The following RANBP2 variants were observed in gnomAD, a reference collection of about 807,000 sequenced individuals.
RANBP2 encodes the protein E3 SUMO-protein ligase RanBP2.
In RANBP2, 57 loss-of-function variants were observed where a neutral mutation model predicts 303.6. The ratio of observed to expected loss-of-function variants is 0.19; its 90% CI spans 0.15 to 0.23. RANBP2 has a LOEUF of 0.23. Ranked by LOEUF, RANBP2 falls within the 10% of genes least tolerant of loss-of-function variation. The probability of loss-of-function intolerance (pLI) is 1.00; values close to 1 mark genes in which losing one functional copy is unlikely to be tolerated. For missense variants in RANBP2, 3,138 were observed against 3,780.8 expected (o/e 0.83, Z 4.46); for synonymous variants, 1,167 against 1,301.5 (o/e 0.90, Z 2.23).
In RANBP2 at chr2:108,767,026, G is replaced by C; in HGVS notation, c.6487G>C (p.Ala2163Pro). 1.2e-6 allele frequency: 2 copies of C among 1,610,642 alleles called. No homozygotes were observed. The highest frequency in any genetic ancestry group is 2.2e-5 in the South Asian group (2 of 90,984). The part of the protein sequence containing the change: ...TPHKLVDTGR[A>P]AKLIQRAEEM... The stretch of plus-strand genomic sequence containing the variant: ...CCATAAACTTGTAGATACTGGCAGA[G>C]CTGCCAAGTTAATACAGAGAGCTGA... The change falls in exon 20 of 29, where the codon GCT becomes CCT. Residue 2163 changes from alanine to proline, a missense_variant. Around this residue, in one of 20 missense-constraint regions of RANBP2, gnomAD observed 103 missense variants for 214.3 expected, o/e 0.48. Transcript: ENST00000283195.
chr2:109,720,625 T>G, the RANBP2 span, among the ~76,000 whole-genome samples: 1 of 152,168 alleles, frequency 6.6e-6, no homozygotes. Context: ...GTGTGCCAAA[T>G]GTAAATTCTC....
chr2:109,206,882 C>T, the RANBP2 span, among the ~76,000 whole-genome samples: 1 of 152,198 alleles, frequency 6.6e-6, no homozygotes, highest in African/African-American at 2.4e-5. Context: ...TTCTCAGTGC[C>T]CCTTCTGCCC....
chr2:109,438,128 C>G, the RANBP2 span, among the ~76,000 whole-genome samples: 14 of 152,362 alleles, frequency 9.2e-5, no homozygotes, highest in East Asian at 2.7e-3. Context: ...AGCAGCTTCT[C>G]AAGTGTGGAA....
At chr2:109,682,590 G>C in the RANBP2 span, among the ~76,000 whole-genome samples, 1 of 152,118 alleles carries the variant, frequency 6.6e-6, no homozygotes, top group Admixed American at 6.5e-5. Flanking sequence ...GGTCAGACCT[G>C]CCAAGGAGAA....
chr2:109,534,694 C>T, the RANBP2 span, among the ~76,000 whole-genome samples: 1,306 of 151,446 alleles, frequency 8.6e-3, 19 homozygotes, highest in African/African-American at 0.03. Flanking sequence ...GTGGGAGAAT[C>T]GCTTGAACCT....
the RANBP2 span, among the ~76,000 whole-genome samples, chr2:108,937,668 GTGAGTA>G: frequency 6.6e-6 from 1 of 151,726 alleles, no homozygotes; most frequent in Non-Finnish European, 1.5e-5. Context: ...GTTTATATGT[GTGAGTA>G]TAAGTGTATG....
chr2:109,238,401 A>T, the RANBP2 span, among the ~76,000 whole-genome samples: 1 of 150,226 alleles, frequency 6.7e-6, no homozygotes, highest in Non-Finnish European at 1.5e-5. Context: ...GCTTTAAAAA[A>T]TTTTCTCTTT....
At chr2:109,298,285 G>A in the RANBP2 span, among the ~76,000 whole-genome samples, 5 of 148,212 alleles carry the variant, frequency 3.4e-5, no homozygotes, top group African/African-American at 9.8e-5. Flanking sequence ...AGAGAACTCC[G>A]TGGCTGGCTA....
At chr2:108,829,328 A>G in the RANBP2 span, among the ~76,000 whole-genome samples, 16 of 152,214 alleles carry the variant, frequency 1.1e-4, no homozygotes, top group African/African-American at 3.9e-4. Flanking sequence ...CAAGCAAAGA[A>G]CCTAAATAGC....
the RANBP2 span, among the ~76,000 whole-genome samples, chr2:109,342,765 G>T: frequency 6.6e-6 from 1 of 152,176 alleles, no homozygotes; most frequent in Non-Finnish European, 1.5e-5. Context: ...TGGCGCCGTT[G>T]TGCCCACGTG....
the RANBP2 span, among the ~76,000 whole-genome samples, chr2:109,593,828 G>C: frequency 1.4e-3 from 220 of 152,240 alleles, 1 homozygote; most frequent in African/African-American, 5.1e-3. Context: ...GGGGAAAGCA[G>C]GGATTTTATA....
At chr2:109,579,525 A>G in the RANBP2 span, among the ~76,000 whole-genome samples, 2 of 151,812 alleles carry the variant, frequency 1.3e-5, no homozygotes, top group African/African-American at 4.8e-5. Context: ...CTGGGATTAC[A>G]GGCGCCTGCC....
the RANBP2 span, among the ~76,000 whole-genome samples, chr2:109,581,301 A>G: frequency 1.3e-5 from 2 of 151,942 alleles, no homozygotes; most frequent in Admixed American, 6.6e-5. Context: ...GCCGGGTGTC[A>G]TAGCGGGCAC....
chr2:109,196,048 G>C, the RANBP2 span, among the ~76,000 whole-genome samples: 1 of 152,250 alleles, frequency 6.6e-6, no homozygotes, highest in African/African-American at 2.4e-5. Context: ...TGGGAATCCA[G>C]GTGATGTCGA....
At chr2:109,193,071 C>T in the RANBP2 span, among the ~76,000 whole-genome samples, 1 of 152,146 alleles carries the variant, frequency 6.6e-6, no homozygotes, top group Non-Finnish European at 1.5e-5. Context: ...TAGTGTGGTT[C>T]AAAGGTGAGT....
chr2:109,321,119 G>A, the RANBP2 span, among the ~76,000 whole-genome samples: 2,918 of 152,316 alleles, frequency 0.019, 49 homozygotes, highest in Non-Finnish European at 0.032. Flanking sequence ...ATGGAAGAAA[G>A]ACTCACGGAC....
chr2:108,873,370 A>G, the RANBP2 span: 609 of 1,225,290 alleles, frequency 5.0e-4, 6 homozygotes, highest in African/African-American at 8.5e-3. Context: ...TAAATGCCTC[A>G]CATAGTTCTG....
the RANBP2 span, among the ~76,000 whole-genome samples, chr2:108,900,568 A>C: frequency 4.8e-5 from 4 of 83,406 alleles, no homozygotes; most frequent in Non-Finnish European, 6.4e-5. Context: ...AAGAAAAAAA[A>C]AAAAACAAAA....
At chr2:109,679,861 T>G in the RANBP2 span, among the ~76,000 whole-genome samples, 563 of 152,264 alleles carry the variant, frequency 3.7e-3, no homozygotes, top group Non-Finnish European at 5.5e-3. Flanking sequence ...TGAATAAGTT[T>G]CCAGCCAGCT....
Sources: allele counts gnomAD v4.1 joint callset (sites outside exome capture counted in the v4.1 genomes callset), GRCh38; gene constraint gnomAD v4.1.1; regional missense constraint gnomAD v4.1.1; transcripts MANE v1.5; gene names NCBI Gene and HGNC (gene_info 2026-07-23, HGNC 2026-07-21).